PUDP: variants seen among roughly 807,000 people sequenced by gnomAD.
The protein encoded by PUDP is pseudouridine 5'-phosphatase, also known as pseudouridine-5'-phosphatase.
A neutral mutation model predicts 9.4 loss-of-function variants in PUDP; 8 were observed. The ratio of observed to expected loss-of-function variants is 0.85; its 90% CI spans 0.50 to 1.53. The LOEUF (loss-of-function observed/expected upper bound fraction) is 1.53. Among genes scored for constraint, PUDP ranks in the 40% most tolerant of loss-of-function variants. The pLI is 0.00. For synonymous variants in PUDP, 99 were observed against 80.7 expected (o/e 1.23, Z -1.22); for missense variants, 188 against 189.7 (o/e 0.99, Z 0.05).
At chrX:6,793,254 TAATA>T (rs1925781839) in intron 3 of PUDP, among the ~76,000 whole-genome samples, 4 of 111,938 alleles carry the variant, frequency 3.6e-5, no homozygotes, top group Non-Finnish European at 7.5e-5. Context: ...TGCACCAACC[TAATA>T]TGTCCTCACA....
intron 3 of PUDP, among the ~76,000 whole-genome samples, chrX:6,876,715 GTC>G (rs1927263715): frequency 9.4e-6 from 1 of 106,065 alleles, no homozygotes; most frequent in African/African-American, 3.4e-5. Context: ...ATACATATAT[GTC>G]TATACATGTA....
chrX:7,116,091 G>T (rs1399861077), intron 1 of PUDP, among the ~76,000 whole-genome samples: 1 of 112,495 alleles, frequency 8.9e-6, no homozygotes, highest in Non-Finnish European at 1.9e-5. Flanking sequence ...TTCATTCAGA[G>T]ATTGCATAGC....
intron 3 of PUDP, among the ~76,000 whole-genome samples, chrX:6,969,898 G>A (rs1928845486): frequency 8.9e-6 from 1 of 112,035 alleles, no homozygotes; most frequent in African/African-American, 3.2e-5. Flanking sequence ...TTTTTTGGAA[G>A]GTCTGCTATT....
At chrX:6,790,270 C>T (rs1925724427) in intron 3 of PUDP, among the ~76,000 whole-genome samples, 2 of 111,672 alleles carry the variant, frequency 1.8e-5, no homozygotes. Flanking sequence ...TATTTCACCT[C>T]AAAATACACT....
At chrX:6,818,119 T>C (rs774187274) in intron 3 of PUDP, among the ~76,000 whole-genome samples, 15 of 111,368 alleles carry the variant, frequency 1.3e-4, no homozygotes, top group African/African-American at 4.6e-4. Context: ...TTCTCCAAAA[T>C]CCTTGATGTT....
chrX:6,912,372 G>A (rs1003913208), intron 3 of PUDP, among the ~76,000 whole-genome samples: 23 of 112,021 alleles, frequency 2.1e-4, no homozygotes, highest in African/African-American at 7.4e-4. Context: ...ATACCAGTGT[G>A]CATGCTACCC....
At position 6,936,965 on chromosome X, in the gene PUDP, C is replaced by T. The variant is rs1464290080; in HGVS notation, c.*247+40168G>A. 3.1e-3 allele frequency among the ~76,000 whole-genome samples: 280 copies of T among 91,489 alleles called. 4 individuals are homozygous for T. The highest frequency in any genetic ancestry group is 0.01 in the African/African-American group (261 of 25,140). The allele number at this position is 91,489 out of a possible 115,157, so 79.4% of individuals were successfully genotyped here. On this transcript the variant is annotated intron_variant and NMD_transcript_variant, in intron 3 of 3. Transcript: ENST00000655425. ...CTTCAAGGAGAACTACAAACCACTG[C>T]TCAAGGAAATAAAAGAGGATACAAA...
chrX:6,901,657 C>T (rs999438417), intron 3 of PUDP, among the ~76,000 whole-genome samples: 1 of 112,360 alleles, frequency 8.9e-6, no homozygotes, highest in African/African-American at 3.2e-5. Flanking sequence ...CAGATAGTCA[C>T]ACTATAATTA....
chrX:7,028,948 G>T (rs781342609), intron 1 of PUDP, among the ~76,000 whole-genome samples: 12 of 110,945 alleles, frequency 1.1e-4, no homozygotes, highest in Non-Finnish European at 2.1e-4. Flanking sequence ...TCTCTGTGTA[G>T]GTCTATGTCC....
intron 3 of PUDP, among the ~76,000 whole-genome samples, chrX:6,897,734 CT>C (rs1927613380): frequency 9.0e-6 from 1 of 111,425 alleles, no homozygotes; most frequent in Admixed American, 9.6e-5. Context: ...TGAGTCCCCA[CT>C]TTCTGATTCA....
At chrX:7,000,630 A>G (rs1929312912) in intron 1 of PUDP, among the ~76,000 whole-genome samples, 1 of 109,215 alleles carries the variant, frequency 9.2e-6, no homozygotes, top group South Asian at 3.7e-4. Context: ...AAATATAAAT[A>G]AAATAGAAAA....
chrX:7,011,877 A>C (rs1410187025), intron 1 of PUDP, among the ~76,000 whole-genome samples: 2 of 112,525 alleles, frequency 1.8e-5, no homozygotes, highest in African/African-American at 6.5e-5. Context: ...CTTGATTGCT[A>C]TGGTCTGATT....
At position 6,934,632 on chromosome X, in the gene PUDP, C is replaced by A. The variant is rs372123643; in HGVS notation, c.*247+42501G>T. Among the ~76,000 whole-genome samples the A allele has an allele frequency of 1.3e-3, 141 of 105,882 alleles. 2 individuals are homozygous for A. Among genetic ancestry groups the A allele is most frequent in the East Asian group, 0.013 (43 of 3,307 alleles). The allele number at this position is 105,882 out of a possible 115,157, so 91.9% of individuals were successfully genotyped here. A position where few individuals can be genotyped will look rare whatever the true frequency, so the allele number is the denominator to read the frequency against. The stretch of plus-strand genomic sequence containing the variant: ...GACAGGATCAAATTCACACATAACA[C>A]TATTAACTTTAAATGTAAATGGACT... On this transcript the variant is annotated intron_variant and NMD_transcript_variant, in intron 3 of 3. Transcript: ENST00000655425.
intron 1 of PUDP, among the ~76,000 whole-genome samples, chrX:7,123,923 A>G (rs1305727893): frequency 8.9e-6 from 1 of 112,429 alleles, no homozygotes; most frequent in Non-Finnish European, 1.9e-5. Flanking sequence ...CTGAAAGGGG[A>G]TATAGCTGAT....
intron 1 of PUDP, among the ~76,000 whole-genome samples, chrX:7,138,778 CAA>C (rs1169198517): frequency 6.2e-5 from 7 of 112,144 alleles, no homozygotes; most frequent in African/African-American, 2.3e-4. Flanking sequence ...TCCAGCTATG[CAA>C]ACCCAAGGGG....
chrX:6,931,305 AG>A (rs1941756280), intron 3 of PUDP, among the ~76,000 whole-genome samples: 3 of 112,201 alleles, frequency 2.7e-5, no homozygotes, highest in African/African-American at 9.7e-5. Context: ...TGCTCAAAAA[AG>A]AGCCAGACTT....
intron 3 of PUDP, among the ~76,000 whole-genome samples, chrX:6,730,163 G>C (rs181370213): frequency 4.0e-4 from 45 of 112,003 alleles, no homozygotes; most frequent in African/African-American, 1.3e-3. Context: ...AACAGTTTGA[G>C]GTAACTTTAT....
chrX:6,925,964 G>C (rs1928095253), intron 3 of PUDP, among the ~76,000 whole-genome samples: 1 of 111,732 alleles, frequency 8.9e-6, no homozygotes, highest in Non-Finnish European at 1.9e-5. Flanking sequence ...TTGCCACAAA[G>C]AGTCTGTTTT....
intron 1 of PUDP, among the ~76,000 whole-genome samples, chrX:7,138,171 G>C (rs1187365082): frequency 9.0e-6 from 1 of 111,718 alleles, no homozygotes; most frequent in African/African-American, 3.3e-5. Flanking sequence ...GTGGTATCAT[G>C]TGGAAACAAT....
Sources: gnomAD v4.1 joint callset for allele counts (sites outside exome capture counted in the v4.1 genomes callset) on GRCh38, gnomAD v4.1.1 for gene constraint, MANE v1.5 for transcripts, NCBI Gene and HGNC (gene_info 2026-07-23, HGNC 2026-07-21) for gene names.